Variants in USP15 observed in about 807,000 individuals in gnomAD.
USP15 encodes the protein ubiquitin specific peptidase 15.
A neutral mutation model predicts 127.1 loss-of-function variants in USP15; 18 were observed. That is an observed-to-expected ratio of 0.14 (90% CI 0.10 to 0.21). The LOEUF is 0.21. Among genes scored for constraint, USP15 ranks in the 10% least tolerant of loss-of-function variants. The probability of loss-of-function intolerance (pLI) is 1.00; values close to 1 mark genes in which losing one functional copy is unlikely to be tolerated. For missense variants in USP15, 805 were observed against 1,159.9 expected (o/e 0.69, Z 4.44); for synonymous variants, 364 against 393.7 (o/e 0.92, Z 0.89).
Position 62,402,591 on chromosome 12 carries a change from G to A in USP15, c.2763+1316G>A, listed in dbSNP as rs181404006. 5.9e-5 allele frequency among the ~76,000 whole-genome samples: 9 copies of A among 152,132 alleles called. No homozygotes were observed. In the East Asian group the frequency reaches 1.5e-3, roughly 26 times the overall value. ...GGTATCTACAAAAACAAGGAGGCATGACAAAGCGTGACATTTTAAGGGAAC... is the reference window on the plus strand; with the variant it reads ...GGTATCTACAAAAACAAGGAGGCATAACAAAGCGTGACATTTTAAGGGAAC... On this transcript the variant is annotated intron_variant, in intron 21 of 21. Coordinates refer to ENST00000280377, the MANE Select transcript of USP15 (RefSeq NM_001252078.2).
intron 8 of USP15, 143 bp downstream of exon 8, chr12:62,355,618 C>T (rs1021654844): frequency 7.3e-5 from 64 of 874,650 alleles, no homozygotes; most frequent in Non-Finnish European, 9.8e-5. Flanking sequence ...ACATATTTGA[C>T]TTATTCATTC....
At chr12:62,396,165 T>TAG in intron 19 of USP15, 130 bp from the exon 20 acceptor site, 1 of 403,872 alleles carries the variant, frequency 2.5e-6, no homozygotes, top group Non-Finnish European at 4.2e-6. Context: ...TATATATATA[T>TAG]ATAGATAGAT....
chr12:62,333,733 T>G (rs1428205365), intron 6 of USP15, among the ~76,000 whole-genome samples: 1 of 152,176 alleles, frequency 6.6e-6, no homozygotes. Context: ...CAAACAAAAA[T>G]GCTTAGGTTA....
intron 1 of USP15, among the ~76,000 whole-genome samples, chr12:62,285,466 CTTTGTG>C (rs2063761158): frequency 6.6e-6 from 1 of 150,626 alleles, no homozygotes. Context: ...GTGTTTGTGT[CTTTGTG>C]TTTGTGTATG....
At chr12:62,282,231 G>A (rs931165206) in intron 1 of USP15, among the ~76,000 whole-genome samples, 1 of 152,192 alleles carries the variant, frequency 6.6e-6, no homozygotes, top group African/African-American at 2.4e-5. Context: ...AGGAGACTGA[G>A]GTGGGAAGAT....
chr12:62,292,982 C>G (rs564565393), intron 1 of USP15, among the ~76,000 whole-genome samples: 2 of 152,190 alleles, frequency 1.3e-5, no homozygotes, highest in East Asian at 3.9e-4. Context: ...AGATAAAGTC[C>G]CCTGATGGAT....
chr12:62,294,380 T>A, intron 2 of USP15, 74 bp downstream of exon 2: 1 of 1,532,866 alleles, frequency 6.5e-7, no homozygotes, highest in Non-Finnish European at 8.8e-7. Context: ...GGGTTGAATT[T>A]GGAAAATGTT....
intron 6 of USP15, among the ~76,000 whole-genome samples, chr12:62,345,288 C>T (rs753501066): frequency 1.3e-5 from 2 of 151,746 alleles, no homozygotes; most frequent in Admixed American, 6.5e-5. Flanking sequence ...TCTCTAGGGT[C>T]GGGGCAAAAT....
chr12:62,364,241 A>G (rs1256213394), intron 8 of USP15, among the ~76,000 whole-genome samples: 1 of 152,218 alleles, frequency 6.6e-6, no homozygotes, highest in Non-Finnish European at 1.5e-5. Flanking sequence ...AGCAATGTCT[A>G]GATTCTCTGA....
At chr12:62,353,613 C>CT (rs2066027054) in intron 7 of USP15, among the ~76,000 whole-genome samples, 1 of 151,856 alleles carries the variant, frequency 6.6e-6, no homozygotes, top group Non-Finnish European at 1.5e-5. Context: ...GAAAGCCTTG[C>CT]TTTTTTTAAA....
At chr12:62,275,543 G>A (rs1418814968) in intron 1 of USP15, among the ~76,000 whole-genome samples, 1 of 152,008 alleles carries the variant, frequency 6.6e-6, no homozygotes, top group Non-Finnish European at 1.5e-5. Context: ...AGTGAAAGTT[G>A]AGGAAATGGA....
intron 8 of USP15, among the ~76,000 whole-genome samples, chr12:62,356,014 C>A (rs2066116795): frequency 2.0e-5 from 3 of 149,808 alleles, no homozygotes; most frequent in South Asian, 4.3e-4. Context: ...TAGTCTATAT[C>A]CTCAACTTGT....
chr12:62,355,626 T>C, intron 8 of USP15, 151 bp downstream of exon 8: 1 of 808,516 alleles, frequency 1.2e-6, no homozygotes, highest in Non-Finnish European at 1.8e-6. Context: ...GACTTATTCA[T>C]TCTACTACTG....
At chr12:62,322,856 G>T (rs182163380) in intron 5 of USP15, among the ~76,000 whole-genome samples, 5 of 152,290 alleles carry the variant, frequency 3.3e-5, no homozygotes, top group African/African-American at 1.2e-4. Flanking sequence ...ACCAAACTGA[G>T]CTGCTTATAG....
At chr12:62,301,122 T>A (rs1042690902) in intron 2 of USP15, among the ~76,000 whole-genome samples, 2 of 152,094 alleles carry the variant, frequency 1.3e-5, no homozygotes, top group African/African-American at 4.8e-5. Flanking sequence ...CGTGCAAAAA[T>A]GCTCAACATA....
intron 6 of USP15, chr12:62,334,062 G>A (rs1198673331): frequency 5.3e-5 from 8 of 152,152 alleles, no homozygotes; most frequent in South Asian, 2.1e-4. Flanking sequence ...AGAGGGGGTC[G>A]GAGGGAAGCT....
At chr12:62,306,374 A>C (rs1565838430) in intron 3 of USP15, among the ~76,000 whole-genome samples, 1 of 152,142 alleles carries the variant, frequency 6.6e-6, no homozygotes, top group Non-Finnish European at 1.5e-5. Flanking sequence ...TCAGAACTTT[A>C]AGAGTATCAA....
chr12:62,403,217 G>C (rs1396430455), intron 21 of USP15, among the ~76,000 whole-genome samples: 1 of 152,032 alleles, frequency 6.6e-6, no homozygotes, highest in Non-Finnish European at 1.5e-5. Flanking sequence ...TCAGGCAGCA[G>C]TTGAAGCCAT....
intron 2 of USP15, among the ~76,000 whole-genome samples, chr12:62,297,145 C>T (rs2064155019): frequency 6.6e-6 from 1 of 152,164 alleles, no homozygotes; most frequent in Non-Finnish European, 1.5e-5. Context: ...TTCTGTCATG[C>T]CTTATTGTAC....
Sources: allele counts gnomAD v4.1 joint callset (sites outside exome capture counted in the v4.1 genomes callset), GRCh38; gene constraint gnomAD v4.1.1; transcripts MANE v1.5; gene names NCBI Gene and HGNC (gene_info 2026-07-23, HGNC 2026-07-21).